The following STAP2 variants were observed in gnomAD, a reference collection of about 807,000 sequenced individuals.
STAP2 encodes signal-transducing adaptor protein 2.
A neutral mutation model predicts 52.7 loss-of-function variants in STAP2; 58 were observed. That is an observed-to-expected ratio of 1.10 (90% confidence interval 0.89 to 1.37). STAP2 has a LOEUF of 1.37. STAP2 is among the 40% of genes most tolerant of loss of function. The probability of loss-of-function intolerance (pLI) is 0.00; values close to 1 mark genes in which losing one functional copy is unlikely to be tolerated. For missense variants in STAP2, 522 were observed against 519.4 expected (o/e 1.00, Z -0.05); for synonymous variants, 231 against 210.5 (o/e 1.10, Z -0.84).
intron 2 of STAP2, 65 bp from the exon 3 acceptor site, chr19:4,333,881 T>G: frequency 6.2e-7 from 1 of 1,612,792 alleles, no homozygotes; most frequent in Non-Finnish European, 8.5e-7. Flanking sequence ...CTGGATGATG[T>G]AGCAGCCACC....
intron 3 of STAP2, 42 bp from the exon 4 acceptor site, chr19:4,332,120 T>G (rs1226405429): frequency 5.2e-6 from 8 of 1,537,278 alleles, no homozygotes; most frequent in Non-Finnish European, 7.1e-6. Context: ...TCAGTGAGCC[T>G]CAGTCTACTC....
intron 4 of STAP2, 112 bp downstream of exon 4, chr19:4,331,910 C>A (rs959233349): frequency 1.8e-6 from 2 of 1,136,472 alleles, no homozygotes; most frequent in African/African-American, 1.6e-5. Context: ...CCAGCCTGGG[C>A]GACAGAGCGA....
chr19:4,334,218 T>G (rs1172529120), intron 1 of STAP2, among the ~76,000 whole-genome samples, 174 bp from the exon 2 acceptor site: 1 of 151,936 alleles, frequency 6.6e-6, no homozygotes, highest in Admixed American at 6.6e-5. Flanking sequence ...CTCAGGGAGA[T>G]CCTCCCCACC....
chr19:4,327,703 T>G (rs1424922063), intron 6 of STAP2, among the ~76,000 whole-genome samples: 1 of 150,568 alleles, frequency 6.6e-6, no homozygotes, highest in East Asian at 2.0e-4. Context: ...GACAACACCC[T>G]AGGAAAGGTC....
Position 4,329,984 on chromosome 19 carries a change from C to T in STAP2, c.432G>A (p.Ala144=), listed in dbSNP as rs775741372. ...ACGAGGGTGTCTCCAGTGCACGGCG[C>T]GCCTCCTCTTTGGCCAAGACTTCAG... The part of the protein sequence containing the change: ...MMSEVLAKEE[A]RRALETPSCF... Residue 144 remains alanine, a synonymous_variant, in exon 5 of 13, where the codon GCG becomes GCA. Coordinates refer to ENST00000594605, the MANE Select transcript of STAP2 (RefSeq NM_001013841.2). 8.7e-6 allele frequency: 14 copies of T among 1,613,486 alleles called. No individual in the cohort carries two copies. The highest frequency in any genetic ancestry group is 9.3e-6 in the Non-Finnish European group (11 of 1,179,998).
intron 5 of STAP2, 200 bp from the exon 6 acceptor site, chr19:4,329,009 T>G (rs138904512): frequency 9.5e-5 from 66 of 691,382 alleles, no homozygotes; most frequent in African/African-American, 8.3e-4. Flanking sequence ...GGTTTTTTGT[T>G]TTTTTTTTGA....
intron 8 of STAP2, 47 bp downstream of exon 8, chr19:4,327,077 G>T (rs748336610): frequency 6.2e-7 from 1 of 1,610,416 alleles, no homozygotes; most frequent in Non-Finnish European, 8.5e-7. Context: ...GAGCGGGGGC[G>T]GGAGAGGTGA....
intron 11 of STAP2, chr19:4,324,910 G>A (rs11670320): frequency 0.073 from 29,533 of 406,744 alleles, 1,222 homozygotes; most frequent in African/African-American, 0.09. Context: ...CGAGGTGGGC[G>A]GATCACGAGG....
intron 1 of STAP2, among the ~76,000 whole-genome samples, chr19:4,337,960 C>T (rs1467051473): frequency 6.6e-6 from 1 of 152,082 alleles, no homozygotes; most frequent in African/African-American, 2.4e-5. Context: ...TTTGAGGCTA[C>T]AGTGAGCCAT....
chr19:4,324,162 GCTT>G lies in STAP2; in HGVS notation c.1180_1182del (p.Lys394del), dbSNP rs1297198647. 7 of 1,551,504 alleles carry G rather than the reference GCTT, an allele frequency of 4.5e-6. No homozygotes were observed. The highest frequency in any genetic ancestry group is 6.1e-6 in the Non-Finnish European group (7 of 1,147,004). Reference sequence around the variant, plus strand: ...TGCTCCAGTGCCCGCCTCTTCTCCAGCTTCTTCTGTAGCTCTGCCGTCATGTCT... The same window carrying G: ...TGCTCCAGTGCCCGCCTCTTCTCCAGCTTCTGTAGCTCTGCCGTCATGTCT... On this transcript the variant is annotated inframe_deletion, in exon 13 of 13. Coordinates refer to ENST00000594605, the MANE Select transcript of STAP2 (RefSeq NM_001013841.2).
chr19:4,332,749 G>A (rs1304867020), intron 3 of STAP2, among the ~76,000 whole-genome samples: 1 of 151,990 alleles, frequency 6.6e-6, no homozygotes, highest in Non-Finnish European at 1.5e-5. Context: ...GATCGCTTGA[G>A]CCCGGGAGGT....
chr19:4,331,752 G>C (rs1252648994), intron 4 of STAP2, among the ~76,000 whole-genome samples: 1 of 150,570 alleles, frequency 6.6e-6, no homozygotes, highest in Non-Finnish European at 1.5e-5. Flanking sequence ...CTAACACAGT[G>C]AAACCCCGTC....
Position 4,330,040 on chromosome 19 carries a change from T to C in STAP2, c.376A>G (p.Thr126Ala), listed in dbSNP as rs547633540. 3 of 1,613,172 alleles carry C rather than the reference T, an allele frequency of 1.9e-6. No homozygotes were observed. In the African/African-American group the frequency reaches 4.0e-5, roughly 22 times the overall value. The change falls in exon 5 of 13, where the codon ACC becomes GCC. Residue 126 changes from threonine (T) to alanine (A), a missense_variant. Thr to Ala is a moderately conservative substitution (Grantham distance 58). Transcript: ENST00000594605. ...VVELRVPTDL[T>A]LLPGHLYMMS... ...ATGTATAGGTGCCCAGGAAGCAGGG[T>C]CAAGTCGGTCGGGACACGGAGCTGA...
At chr19:4,327,283 A>G in intron 7 of STAP2, 33 bp downstream of exon 7, 1 of 1,614,100 alleles carries the variant, frequency 6.2e-7, no homozygotes. Context: ...GACCCCACAA[A>G]GTCACTTCTA....
intron 1 of STAP2, 71 bp downstream of exon 1, chr19:4,338,581 C>T: frequency 1.1e-6 from 1 of 939,724 alleles, no homozygotes; most frequent in Non-Finnish European, 1.5e-6. Flanking sequence ...AGTGGGGAGA[C>T]AGGGACTCAG....
At chr19:4,337,380 C>T (rs1458726846) in intron 1 of STAP2, among the ~76,000 whole-genome samples, 1 of 150,406 alleles carries the variant, frequency 6.6e-6, no homozygotes, top group Non-Finnish European at 1.5e-5. Context: ...CACAGGCACG[C>T]ACCACCACGC....
intron 11 of STAP2, 163 bp from the exon 12 acceptor site, chr19:4,324,692 C>T (rs540460872): frequency 1.7e-5 from 11 of 633,860 alleles, no homozygotes; most frequent in Admixed American, 3.0e-5. Flanking sequence ...ATTAGATGGA[C>T]GTGGTGGCAG....
At chr19:4,328,347 C>T (rs905763561) in intron 6 of STAP2, 30 of 251,486 alleles carry the variant, frequency 1.2e-4, no homozygotes, top group African/African-American at 6.8e-4. Context: ...CCAACACGCC[C>T]AGCGTAGCTC....
intron 8 of STAP2, 54 bp from the exon 9 acceptor site, chr19:4,327,061 C>G (rs926891026): frequency 4.5e-5 from 72 of 1,605,422 alleles, no homozygotes; most frequent in Non-Finnish European, 5.5e-5. Flanking sequence ...GCGGCCCGGT[C>G]CGTCCGAGCG....
Sources: allele counts gnomAD v4.1 joint callset (sites outside exome capture counted in the v4.1 genomes callset), GRCh38; gene constraint gnomAD v4.1.1; transcripts MANE v1.5; gene names NCBI Gene and HGNC (gene_info 2026-07-23, HGNC 2026-07-21).